The following CUEDC1 variants were observed in gnomAD, a reference collection of about 807,000 sequenced individuals.
CUEDC1 encodes the protein CUE domain-containing protein 1.
CUEDC1 carries 30 observed loss-of-function variants against 43.7 expected under a neutral mutation model. The ratio of observed to expected loss-of-function variants is 0.69; its 90% CI spans 0.51 to 0.93. The LOEUF is 0.93. Among genes scored for constraint, CUEDC1 ranks in the 40% least tolerant of loss-of-function variants. CUEDC1 has a pLI of 0.00. For synonymous variants in CUEDC1, 223 were observed against 223.6 expected (o/e 1.00, Z 0.02); for missense variants, 486 against 549.0 (o/e 0.89, Z 1.15).
intron 2 of CUEDC1, among the ~76,000 whole-genome samples, chr17:57,882,200 T>C (rs2074216590): frequency 6.6e-6 from 1 of 152,032 alleles, no homozygotes; most frequent in Admixed American, 6.6e-5. Flanking sequence ...TTTTTTCCAG[T>C]CAGCAGTTAT....
rs573747607 is a variant in CUEDC1, at chr17:57,865,119, T to C, written c.*3+1355A>G. ...AGCAAGTTTCTGATGTAGGGGTGGT[T>C]TGGACAGGACCCGTTCTCCCTGGGG... On this transcript the variant is annotated intron_variant, in intron 10 of 10. Transcript: ENST00000577830. 2.6e-5 allele frequency among the ~76,000 whole-genome samples: 4 copies of C among 152,206 alleles called. No homozygotes were observed. In the South Asian group the frequency reaches 8.3e-4, roughly 32 times the overall value.
intron 1 of CUEDC1, among the ~76,000 whole-genome samples, chr17:57,887,200 C>T (rs1231574386): frequency 6.6e-6 from 1 of 152,070 alleles, no homozygotes; most frequent in Non-Finnish European, 1.5e-5. Context: ...AGGGTCAGCA[C>T]AGTGTCCTGA....
intron 1 of CUEDC1, chr17:57,903,092 C>T (rs1210063739): frequency 6.6e-6 from 1 of 152,292 alleles, no homozygotes; most frequent in Non-Finnish European, 1.5e-5. Flanking sequence ...TCCAGCCATC[C>T]TGGAGGAGGA....
intron 1 of CUEDC1, among the ~76,000 whole-genome samples, chr17:57,947,135 T>C (rs1241897796): frequency 7.0e-6 from 1 of 143,178 alleles, no homozygotes; most frequent in African/African-American, 2.6e-5. Context: ...TCCAGCTTGC[T>C]GGTCACCAGG....
intron 9 of CUEDC1, chr17:57,866,908 G>A (rs986683858): frequency 1.1e-5 from 4 of 350,830 alleles, no homozygotes; most frequent in Admixed American, 4.2e-5. Context: ...GAGGATCAGG[G>A]TTCAGCTGCG....
At chr17:57,949,010 A>C (rs2074981486) in intron 1 of CUEDC1, among the ~76,000 whole-genome samples, 1 of 152,206 alleles carries the variant, frequency 6.6e-6, no homozygotes, top group Non-Finnish European at 1.5e-5. Context: ...CACCCTGGCA[A>C]GGGTGCTACA....
At position 57,885,637 on chromosome 17, in the gene CUEDC1, G is replaced by A; in HGVS notation, c.-73C>T. ...CTTCCCCAGGGTCTTTCCGCCGTCA[G>A]CCGCTTACTTGCCCTGCGGTCTCGG... On this transcript the variant is annotated 5_prime_UTR_variant, in exon 2 of 11. Coordinates refer to ENST00000577830, the MANE Select transcript of CUEDC1 (RefSeq NM_001271875.2). 7.5e-7 allele frequency: 1 copy of A among 1,334,292 alleles called. No individual in the cohort carries two copies. Among genetic ancestry groups the A allele is most frequent in the Non-Finnish European group, 9.5e-7 (1 of 1,048,588 alleles). 82.7% of individuals were successfully genotyped at this position (1,334,292 alleles called of 1,614,324 possible). A position where few individuals can be genotyped will look rare whatever the true frequency, so the allele number is the denominator to read the frequency against.
chr17:57,938,428 C>T (rs2074882251), intron 1 of CUEDC1, among the ~76,000 whole-genome samples: 1 of 152,140 alleles, frequency 6.6e-6, no homozygotes, highest in South Asian at 2.1e-4. Flanking sequence ...TCCACCAAGA[C>T]TTTTAAATTC....
intron 1 of CUEDC1, among the ~76,000 whole-genome samples, chr17:57,914,741 G>A (rs2074620214): frequency 2.0e-5 from 3 of 152,192 alleles, no homozygotes; most frequent in African/African-American, 7.2e-5. Flanking sequence ...GATGTGGCCT[G>A]CACCTGCCCC....
At chr17:57,927,350 C>T (rs942299033) in intron 1 of CUEDC1, among the ~76,000 whole-genome samples, 39 of 150,746 alleles carry the variant, frequency 2.6e-4, no homozygotes, top group Admixed American at 1.8e-3. Context: ...CCCCAGTTAA[C>T]ACTCCTGGTA....
chr17:57,872,737 G>A lies in CUEDC1; in HGVS notation c.710C>T (p.Ala237Val), dbSNP rs746533717. 8.1e-6 allele frequency: 13 copies of A among 1,614,192 alleles called. No homozygotes were observed. The highest frequency in any genetic ancestry group is 1.1e-5 in the South Asian group (1 of 91,084). Residue 237 changes from alanine (A) to valine (V), a missense_variant, in exon 5 of 11, where the codon GCG (alanine) becomes GTG (valine). Physicochemically the swap from Ala to Val is moderately conservative, Grantham distance 64. Coordinates refer to ENST00000577830, the MANE Select transcript of CUEDC1 (RefSeq NM_001271875.2). ...WKQYLEDERI[A>V]LFLQNEEFMK... is the part of the protein sequence containing the mutation. ...GAACTCCTCGTTCTGCAGGAAAAGC[G>A]CGATCCTCTCGTCCTCCAGGTACTG...
intron 1 of CUEDC1, among the ~76,000 whole-genome samples, chr17:57,918,518 C>T (rs1293180403): frequency 6.6e-6 from 1 of 152,172 alleles, no homozygotes; most frequent in African/African-American, 2.4e-5. Context: ...GAGAAGGGGG[C>T]CTTATCTATC....
In CUEDC1 at chr17:57,869,201, G is replaced by T. The variant is rs79637497; in HGVS notation, c.869-8C>A. On this transcript the variant is annotated splice_polypyrimidine_tract_variant and splice_region_variant and intron_variant, in intron 6 of 10. Transcript: ENST00000577830. ...GGTTGGCGTCGCCAGTTCCTGGAAG[G>T]AGACACCTGCTGAAGGCCGGCCACC... 140,124 of 1,612,496 alleles carry T rather than the reference G, an allele frequency of 0.087. 7,213 individuals are homozygous for T. Among genetic ancestry groups the T allele is most frequent in the Non-Finnish European group, 0.1 (123,407 of 1,178,938 alleles).
chr17:57,927,763 A>G, intron 1 of CUEDC1, among the ~76,000 whole-genome samples: 1 of 152,252 alleles, frequency 6.6e-6, no homozygotes, highest in East Asian at 1.9e-4. Context: ...TGCTACCAAC[A>G]TGAGATTCCT....
chr17:57,885,164 G>GC, intron 2 of CUEDC1, 65 bp downstream of exon 2: 6 of 1,486,360 alleles, frequency 4.0e-6, no homozygotes, highest in African/African-American at 1.4e-5. Context: ...CCCGGGCCGT[G>GC]CCCCTACCTC....
chr17:57,877,268 C>T (rs2144942673), intron 3 of CUEDC1, among the ~76,000 whole-genome samples: 1 of 152,298 alleles, frequency 6.6e-6, no homozygotes, highest in South Asian at 2.1e-4. Context: ...GGCCCCCACC[C>T]ACAGCAGGCT....
intron 6 of CUEDC1, among the ~76,000 whole-genome samples, chr17:57,869,467 C>T (rs2144918305): frequency 6.6e-6 from 1 of 152,314 alleles, no homozygotes; most frequent in African/African-American, 2.4e-5. Flanking sequence ...ACGCCTCTGA[C>T]CAACTCCATG....
chr17:57,908,594 A>T (rs550082572), intron 1 of CUEDC1, among the ~76,000 whole-genome samples: 1 of 152,362 alleles, frequency 6.6e-6, no homozygotes, highest in South Asian at 2.1e-4. Flanking sequence ...ATTTTTTAAT[A>T]AAAGGATGTT....
chr17:57,885,235 G>C lies in CUEDC1; in HGVS notation c.330C>G (p.Pro110=). Residue 110 remains proline (P), a synonymous_variant, in exon 2 of 11, where the codon CCC becomes CCG. Transcript: ENST00000577830. ...ACCCGGGCTGCGCCCCTACCTCCGG[G>C]GGGATGCTGTCCTCCGAGTCGGAGC... ...EDSSDSEDSI[P]PEILERTLEP... The C allele has an allele frequency of 6.3e-7, 1 of 1,575,354 alleles. No individual in the cohort carries two copies. Among genetic ancestry groups the C allele is most frequent in the East Asian group, 2.3e-5 (1 of 43,012 alleles).
Sources: gnomAD v4.1 joint callset for allele counts (sites outside exome capture counted in the v4.1 genomes callset) on GRCh38, gnomAD v4.1.1 for gene constraint, MANE v1.5 for transcripts, NCBI Gene and HGNC (gene_info 2026-07-23, HGNC 2026-07-21) for gene names.